The following AHI1 variants were observed in gnomAD, a reference collection of about 807,000 sequenced individuals.
AHI1 encodes the protein Abelson helper integration site 1, also known as jouberin.
In AHI1, 123 loss-of-function variants were observed where a neutral mutation model predicts 149.3. The ratio of observed to expected loss-of-function variants is 0.82; its 90% CI spans 0.71 to 0.96. The LOEUF is 0.96. Among genes scored for constraint, AHI1 ranks in the 40% least tolerant of loss-of-function variants. AHI1 has a pLI of 0.00. For missense variants in AHI1, 1,439 were observed against 1,422.7 expected (o/e 1.01, Z -0.18); for synonymous variants, 475 against 459.8 (o/e 1.03, Z -0.42).
chr6:135,353,965 T>C (rs1240531555), intron 24 of AHI1, among the ~76,000 whole-genome samples: 2 of 152,136 alleles, frequency 1.3e-5, no homozygotes, highest in African/African-American at 4.8e-5. Flanking sequence ...ACATTTAAAT[T>C]TCCAATCAGG....
At chr6:135,369,252 A>G (rs1774670686) in intron 23 of AHI1, among the ~76,000 whole-genome samples, 2 of 152,194 alleles carry the variant, frequency 1.3e-5, no homozygotes, top group Non-Finnish European at 2.9e-5. Context: ...CTCTTTGGGC[A>G]CTAAGTTTTT....
chr6:135,433,643 G>T (rs1026993396), intron 15 of AHI1, among the ~76,000 whole-genome samples: 4 of 151,930 alleles, frequency 2.6e-5, no homozygotes, highest in Admixed American at 6.6e-5. Context: ...TCCCATTTAG[G>T]TTGTGTATAC....
intron 14 of AHI1, among the ~76,000 whole-genome samples, 155 bp downstream of exon 14, chr6:135,442,427 T>A (rs774761762): frequency 7.9e-5 from 12 of 152,134 alleles, no homozygotes; most frequent in African/African-American, 1.2e-4. Context: ...TGTAAAATTA[T>A]TACAAAAGAA....
intron 23 of AHI1, among the ~76,000 whole-genome samples, chr6:135,379,336 C>T (rs568306615): frequency 6.6e-4 from 101 of 152,222 alleles, no homozygotes; most frequent in Non-Finnish European, 1.3e-3. Flanking sequence ...TAGACCTCCA[C>T]GTTAATGATT....
rs1483842780 is a variant in AHI1, at chr6:135,433,266, G to T, written c.2037-10C>A. The stretch of plus-strand genomic sequence containing the variant: ...TTCATTTTTCCATATCCTGGAAAAG[G>T]ATAAGAAGTTACATATTGCTTCTGA... On this transcript the variant is annotated splice_polypyrimidine_tract_variant and intron_variant, in intron 15 of 28. Transcript: ENST00000265602. 2.6e-6 allele frequency: 4 copies of T among 1,565,650 alleles called. No individual in the cohort carries two copies. In the South Asian group the frequency reaches 3.4e-5, roughly 13 times the overall value.
At chr6:135,386,925 CCTTTTTT>C (rs1021260304) in intron 23 of AHI1, among the ~76,000 whole-genome samples, 19 of 152,154 alleles carry the variant, frequency 1.2e-4, no homozygotes, top group African/African-American at 1.7e-4. Flanking sequence ...CCCCACCTGG[CCTTTTTT>C]CTTTTTTCTT....
At chr6:135,441,823 A>G (rs1786343432) in intron 14 of AHI1, among the ~76,000 whole-genome samples, 1 of 152,152 alleles carries the variant, frequency 6.6e-6, no homozygotes, top group Non-Finnish European at 1.5e-5. Flanking sequence ...AAAATTTATT[A>G]CTATTTCATG....
chr6:135,391,388 T>C (rs1275219879), intron 23 of AHI1, among the ~76,000 whole-genome samples: 1 of 152,090 alleles, frequency 6.6e-6, no homozygotes, highest in African/African-American at 2.4e-5. Context: ...AGATCAGGCA[T>C]TAGATTCTCA....
At chr6:135,367,063 A>G (rs1774293142) in intron 23 of AHI1, among the ~76,000 whole-genome samples, 1 of 152,084 alleles carries the variant, frequency 6.6e-6, no homozygotes, top group East Asian at 1.9e-4. Context: ...AGTTTATTTA[A>G]CTTCCATGTA....
chr6:135,414,812 TTTTA>T (rs1782109035), intron 20 of AHI1, among the ~76,000 whole-genome samples: 1 of 151,696 alleles, frequency 6.6e-6, no homozygotes, highest in Non-Finnish European at 1.5e-5. Context: ...TTTTATTTAT[TTTTA>T]TTTTATTATT....
intron 20 of AHI1, among the ~76,000 whole-genome samples, chr6:135,425,635 G>A (rs1323910175): frequency 6.6e-6 from 1 of 151,810 alleles, no homozygotes. Context: ...CCTTTTCATA[G>A]ATAAGAAAAT....
intron 23 of AHI1, among the ~76,000 whole-genome samples, chr6:135,375,425 G>T (rs760744724): frequency 6.6e-6 from 1 of 152,144 alleles, no homozygotes; most frequent in Non-Finnish European, 1.5e-5. Context: ...GAACAGAATA[G>T]ATTAAAATGT....
intron 25 of AHI1, among the ~76,000 whole-genome samples, chr6:135,321,408 G>A (rs1369267963): frequency 2.0e-5 from 3 of 152,230 alleles, no homozygotes; most frequent in Admixed American, 1.3e-4. Context: ...CTTTTTAGGG[G>A]AGGAGTCTGC....
chr6:135,389,866 T>C (rs2128478565), intron 23 of AHI1, among the ~76,000 whole-genome samples: 1 of 152,344 alleles, frequency 6.6e-6, no homozygotes, highest in East Asian at 1.9e-4. Context: ...TACCTACCCA[T>C]AACAGTGATT....
At chr6:135,293,400 A>C (rs1782618489) in intron 27 of AHI1, among the ~76,000 whole-genome samples, 5 of 97,690 alleles carry the variant, frequency 5.1e-5, no homozygotes, top group African/African-American at 1.1e-4. Flanking sequence ...GGCAAAAAAA[A>C]AAAAAGAAAA....
chr6:135,468,242 A>G (rs1167777327), intron 5 of AHI1, among the ~76,000 whole-genome samples: 2 of 152,178 alleles, frequency 1.3e-5, no homozygotes, highest in Admixed American at 6.6e-5. Flanking sequence ...AATTATATTC[A>G]CATGTTCTGT....
intron 20 of AHI1, among the ~76,000 whole-genome samples, chr6:135,417,122 A>G (rs1782489998): frequency 6.6e-6 from 1 of 152,098 alleles, no homozygotes; most frequent in African/African-American, 2.4e-5. Flanking sequence ...GGTGGGTTTC[A>G]GGAATAAATA....
rs760675651 is a variant in AHI1 at position 135,448,274 on chromosome 6, T to C, written c.1626+16A>G. On this transcript the variant is annotated intron_variant, in intron 12 of 28. Coordinates refer to ENST00000265602, the MANE Select transcript of AHI1 (RefSeq NM_001134831.2). The stretch of plus-strand genomic sequence containing the variant: ...AACACTAGATGATATACACTTAATA[T>C]GTACTATTAACTTACACAGTCTGGA... The C allele has an allele frequency of 2.6e-6, 4 of 1,514,118 alleles. No homozygotes were observed. Among genetic ancestry groups the C allele is most frequent in the South Asian group, 1.3e-5 (1 of 74,886 alleles). The allele number at this position is 1,514,118 out of a possible 1,614,324, so 93.8% of individuals were successfully genotyped here.
intron 26 of AHI1, among the ~76,000 whole-genome samples, chr6:135,312,857 A>G (rs902310757): frequency 6.6e-6 from 1 of 152,250 alleles, no homozygotes; most frequent in African/African-American, 2.4e-5. Context: ...CTGTAATTCT[A>G]TGAACTTAGA....
Sources: allele counts gnomAD v4.1 joint callset (sites outside exome capture counted in the v4.1 genomes callset), GRCh38; gene constraint gnomAD v4.1.1; transcripts MANE v1.5; gene names NCBI Gene and HGNC (gene_info 2026-07-23, HGNC 2026-07-21).